The following KMT2C variants were observed in gnomAD, a reference collection of about 807,000 sequenced individuals.
KMT2C encodes the protein histone-lysine N-methyltransferase 2C.
A neutral mutation model predicts 507.9 loss-of-function variants in KMT2C; 88 were observed. That is an observed-to-expected ratio of 0.17 (90% CI 0.15 to 0.21). The LOEUF (loss-of-function observed/expected upper bound fraction) is 0.21. KMT2C is among the 10% of genes least tolerant of loss of function. The pLI, the probability that KMT2C is intolerant of heterozygous loss-of-function variation, is 1.00. For synonymous variants in KMT2C, 2,049 were observed against 2,080.8 expected, an observed-to-expected ratio of 0.98 and a Z score of 0.42; for missense variants, 4,954 against 5,957.8, an observed-to-expected ratio of 0.83 and a Z score of 5.55.
chr7:152,250,069 G>T, intron 12 of KMT2C, 116 bp from the exon 13 acceptor site: 1 of 627,088 alleles, frequency 1.6e-6, no homozygotes, highest in Non-Finnish European at 2.8e-6. Context: ...TCCAATATAA[G>T]CATGAAACAT....
intron 23 of KMT2C, among the ~76,000 whole-genome samples, chr7:152,215,329 T>C (rs969098154): frequency 5.3e-5 from 8 of 150,984 alleles, no homozygotes; most frequent in Non-Finnish European, 7.4e-5. Context: ...CTGGCTAACA[T>C]GGTGAAACCC....
At chr7:152,215,962 A>AACCTC (rs1366527076) in intron 23 of KMT2C, among the ~76,000 whole-genome samples, 2 of 152,294 alleles carry the variant, frequency 1.3e-5, no homozygotes, top group East Asian at 3.9e-4. Context: ...GAAAGTAACA[A>AACCTC]ACCTCAAGGA....
In KMT2C at chr7:152,435,673, G is replaced by A. The variant is rs745330825; in HGVS notation, c.114C>T (p.Gly38=). 10 of 1,547,830 alleles carry A rather than the reference G, an allele frequency of 6.5e-6. No homozygotes were observed. The East Asian group carries it at 1.3e-4, about 20-fold the overall frequency. Residue 38 remains glycine, a synonymous_variant, in exon 1 of 59, where the codon GGC becomes GGT. Transcript: ENST00000262189. ...GGGAAGCGCCATCTTTGCGAGGCCG[G>A]CCCCGAGGTCTTTTGTCTGCGGCTG... is the stretch of plus-strand genomic sequence containing the variant. ...SPAAADKRPR[G]RPRKDGASPF...
chr7:152,329,867 C>T (rs2096864240), intron 3 of KMT2C, among the ~76,000 whole-genome samples: 1 of 151,884 alleles, frequency 6.6e-6, no homozygotes, highest in Non-Finnish European at 1.5e-5. Flanking sequence ...TATTACAGGC[C>T]CAGTGTAGTG....
rs1243128769 is a variant in KMT2C at position 152,177,573 on chromosome 7, T to C, written c.7880A>G (p.Gln2627Arg). 1.2e-6 allele frequency: 2 copies of C among 1,614,206 alleles called. No individual in the cohort carries two copies. Among genetic ancestry groups the C allele is most frequent in the East Asian group, 4.5e-5 (2 of 44,888 alleles). The change falls in exon 38 of 59, where the codon CAA becomes CGA. Residue 2627 changes from glutamine to arginine, a missense_variant. Around this residue, in one of 29 missense-constraint regions of KMT2C, gnomAD observed 1,689 missense variants for 1,654.3 expected, o/e 1.02. Coordinates refer to ENST00000262189, the MANE Select transcript of KMT2C (RefSeq NM_170606.3). ...TTGCTCTTGTTGAGATGGTGGCACT[T>C]GTTCCAAATCTGGGTGCACAGGTAG... Reference protein sequence around the residue: ...NQLPVHPDLEQVPPSQQEQGH... With the variant: ...NQLPVHPDLERVPPSQQEQGH...
At chr7:152,399,384 A>G (rs1028783557) in intron 1 of KMT2C, among the ~76,000 whole-genome samples, 1 of 152,192 alleles carries the variant, frequency 6.6e-6, no homozygotes, top group Non-Finnish European at 1.5e-5. Flanking sequence ...AATTATTATT[A>G]AAAAACAAAG....
At chr7:152,296,445 A>AAGAGAG (rs367694956) in intron 6 of KMT2C, among the ~76,000 whole-genome samples, 5 of 149,576 alleles carry the variant, frequency 3.3e-5, no homozygotes, top group East Asian at 2.0e-4. Flanking sequence ...AAAAAAAAAA[A>AAGAGAG]AGAGAGAGAG....
rs766045775 is a variant in KMT2C, at chr7:152,181,266, C to T, written c.6594G>A (p.Arg2198=). 1.2e-6 allele frequency: 2 copies of T among 1,613,832 alleles called. No homozygotes were observed. Among genetic ancestry groups the T allele is most frequent in the Non-Finnish European group, 1.7e-6 (2 of 1,179,946 alleles). Residue 2198 remains arginine (R), a synonymous_variant, in exon 36 of 59, where the codon AGG becomes AGA. Coordinates refer to ENST00000262189, the MANE Select transcript of KMT2C (RefSeq NM_170606.3). ...GAGGATGAGCATATGGATCAGAATG[C>T]CTCTGATTTGTTACAGGTGTAACAA... The part of the protein sequence containing the change: ...DLFVTPVTNQ[R]HSDPYAHPPG...
intron 1 of KMT2C, among the ~76,000 whole-genome samples, chr7:152,394,011 T>C (rs1353416418): frequency 6.6e-6 from 1 of 152,220 alleles, no homozygotes; most frequent in Non-Finnish European, 1.5e-5. Flanking sequence ...TCATTGAACC[T>C]GGTGTGAACT....
intron 1 of KMT2C, among the ~76,000 whole-genome samples, chr7:152,415,688 G>A (rs2097727782): frequency 6.6e-6 from 1 of 152,088 alleles, no homozygotes; most frequent in African/African-American, 2.4e-5. Flanking sequence ...AGACCAGCCT[G>A]GCCAACATAG....
At chr7:152,290,294 A>ATTTT (rs869073980) in intron 6 of KMT2C, among the ~76,000 whole-genome samples, 3 of 21,422 alleles carry the variant, frequency 1.4e-4, no homozygotes, top group Non-Finnish European at 2.3e-4. Context: ...ATATATATAT[A>ATTTT]TTTTTTTTTT....
intron 2 of KMT2C, among the ~76,000 whole-genome samples, chr7:152,333,013 T>C (rs2096898635): frequency 6.6e-6 from 1 of 152,164 alleles, no homozygotes; most frequent in East Asian, 1.9e-4. Context: ...ACTTCCTCCT[T>C]AGTGAAATGA....
At chr7:152,152,429 A>G (rs1273297957) in intron 49 of KMT2C, among the ~76,000 whole-genome samples, 1 of 152,224 alleles carries the variant, frequency 6.6e-6, no homozygotes. Context: ...AAAGCTGCTC[A>G]AGGGCAAGCC....
At chr7:152,320,007 GC>G (rs1563848449) in intron 3 of KMT2C, among the ~76,000 whole-genome samples, 1 of 151,924 alleles carries the variant, frequency 6.6e-6, no homozygotes, top group African/African-American at 2.4e-5. Flanking sequence ...ACCGGTCTCC[GC>G]GTCTTGGTGG....
At chr7:152,362,135 ACTAG>A (rs2097202144) in intron 1 of KMT2C, among the ~76,000 whole-genome samples, 1 of 152,226 alleles carries the variant, frequency 6.6e-6, no homozygotes, top group South Asian at 2.1e-4. Flanking sequence ...AGAAAAAGGG[ACTAG>A]CTATTTTAAA....
Position 152,177,963 on chromosome 7 carries a change from C to T in KMT2C, c.7490G>A (p.Arg2497His), listed in dbSNP as rs531219111. ...GSHGTMPSQE[R>H]FLVPPQQIQG... ...TATTTGCTGAGGAGGCACAAGGAAG[C>T]GCTCTTGACTCGGCATGGTACCATG... Residue 2497 changes from arginine to histidine, a missense_variant, in exon 38 of 59, where the codon CGC becomes CAC. Transcript: ENST00000262189. The T allele has an allele frequency of 2.1e-5, 32 of 1,554,620 alleles. No individual in the cohort carries two copies. The highest frequency in any genetic ancestry group is 1.0e-4 in the South Asian group (9 of 87,332).
At chr7:152,306,914 T>C (rs1416634279) in intron 6 of KMT2C, among the ~76,000 whole-genome samples, 1 of 152,134 alleles carries the variant, frequency 6.6e-6, no homozygotes, top group Non-Finnish European at 1.5e-5. Context: ...ATCCCAGTAC[T>C]TCGGGAGGAT....
intron 4 of KMT2C, 143 bp from the exon 5 acceptor site, chr7:152,312,089 G>A: frequency 1.8e-6 from 1 of 541,536 alleles, no homozygotes; most frequent in Admixed American, 3.4e-5. Context: ...GAATTCATCT[G>A]TTAGTATTAT....
At chr7:152,290,041 AAAAC>A (rs1357951795) in intron 6 of KMT2C, among the ~76,000 whole-genome samples, 41 of 149,434 alleles carry the variant, frequency 2.7e-4, no homozygotes, top group South Asian at 6.5e-4. Context: ...ATTCTGTCTC[AAAAC>A]AAACAAAACA....
Sources: allele counts gnomAD v4.1 joint callset (sites outside exome capture counted in the v4.1 genomes callset), GRCh38; gene constraint gnomAD v4.1.1; regional missense constraint gnomAD v4.1.1; transcripts MANE v1.5; gene names NCBI Gene and HGNC (gene_info 2026-07-23, HGNC 2026-07-21).